The following MROH9 variants were observed in gnomAD, a reference collection of about 807,000 sequenced individuals.
MROH9 encodes maestro heat like repeat family member 9.
In MROH9, 92 loss-of-function variants were observed where a neutral mutation model predicts 98.2. That is an observed-to-expected ratio of 0.94 (90% CI 0.79 to 1.11). MROH9 has a LOEUF of 1.11. MROH9 is among the 50% of genes most tolerant of loss of function. The pLI is 0.00. For missense variants in MROH9, 1,057 were observed against 1,014.8 expected (o/e 1.04, Z -0.57); for synonymous variants, 397 against 368.9 (o/e 1.08, Z -0.87).
At chr1:171,051,852 G>C (rs1653675349) in intron 20 of MROH9, among the ~76,000 whole-genome samples, 1 of 152,180 alleles carries the variant, frequency 6.6e-6, no homozygotes. Context: ...TGATATTGCA[G>C]TGATGGCTTC....
At chr1:171,002,439 G>A (rs1422128248) in intron 15 of MROH9, among the ~76,000 whole-genome samples, 1 of 152,158 alleles carries the variant, frequency 6.6e-6, no homozygotes, top group Non-Finnish European at 1.5e-5. Flanking sequence ...AGTTCTTGTA[G>A]TGGTAGCTTG....
At position 171,006,330 on chromosome 1, in the gene MROH9, T is replaced by C. The variant is rs140471086; in HGVS notation, c.1597-7787T>C. On this transcript the variant is annotated intron_variant, in intron 15 of 21. Coordinates refer to ENST00000367759, the MANE Select transcript of MROH9 (RefSeq NM_001163629.2). ...TCTTTGTATGTGAGAAGTCTCTTTG[T>C]CTTTTCTGCTTTCAAGCTTATCTCT... Among the ~76,000 whole-genome samples the C allele has an allele frequency of 3.9e-3, 597 of 152,324 alleles. 2 individuals are homozygous for C. Among genetic ancestry groups the C allele is most frequent in the Non-Finnish European group, 6.8e-3 (461 of 68,024 alleles).
At position 171,064,338 on chromosome 1, in the gene MROH9, T is replaced by G. The variant is rs775509486; in HGVS notation, c.2584T>G (p.Ter862GluextTer36). The G allele has an allele frequency of 1.4e-5, 21 of 1,526,142 alleles. No individual in the cohort carries two copies. The highest frequency in any genetic ancestry group is 1.7e-5 in the Non-Finnish European group (19 of 1,139,932). The allele number at this position is 1,526,142 out of a possible 1,614,324, so 94.5% of individuals were successfully genotyped here. The change falls in exon 22 of 22, where the codon TAG becomes GAG. Residue 862 changes from the stop codon to glutamate, a stop_lost. Transcript: ENST00000367759. ...SKDVKNDKAL[*>E] ...AGATGTCAAGAATGATAAGGCCTTA[T>G]AGAAGAGAATGATGATGACATTCAT...
chr1:170,959,379 T>C, intron 4 of MROH9, 83 bp from the exon 5 acceptor site: 10 of 1,094,178 alleles, frequency 9.1e-6, no homozygotes, highest in Non-Finnish European at 1.2e-5. Context: ...TGTCTCAAAA[T>C]AAATAAATAA....
chr1:171,015,052 C>A, intron 16 of MROH9: 1 of 471,822 alleles, frequency 2.1e-6, no homozygotes, highest in Non-Finnish European at 4.4e-6. Flanking sequence ...TAATTCTACA[C>A]TCCAAAGTAT....
chr1:170,976,722 G>T (rs1380616277), intron 8 of MROH9, among the ~76,000 whole-genome samples: 1 of 152,066 alleles, frequency 6.6e-6, no homozygotes, highest in Non-Finnish European at 1.5e-5. Flanking sequence ...TATGTGTCTT[G>T]GGGATGTAGA....
chr1:171,035,169 A>C (rs1329638366), intron 20 of MROH9, among the ~76,000 whole-genome samples: 1 of 152,144 alleles, frequency 6.6e-6, no homozygotes, highest in Non-Finnish European at 1.5e-5. Flanking sequence ...CAACAAGCTG[A>C]GAGAAATATT....
intron 20 of MROH9, among the ~76,000 whole-genome samples, chr1:171,035,404 C>G (rs996229978): frequency 6.6e-6 from 1 of 151,646 alleles, no homozygotes; most frequent in Non-Finnish European, 1.5e-5. Flanking sequence ...CAACCCATTT[C>G]ACACCAATAA....
chr1:171,044,874 T>C (rs981916262), intron 20 of MROH9, among the ~76,000 whole-genome samples: 1 of 151,688 alleles, frequency 6.6e-6, no homozygotes, highest in Non-Finnish European at 1.5e-5. Context: ...GCTAAAGGTA[T>C]GTCACTTTTG....
chr1:171,026,181 G>C (rs1430118786), intron 20 of MROH9, among the ~76,000 whole-genome samples: 2 of 151,730 alleles, frequency 1.3e-5, no homozygotes, highest in Non-Finnish European at 2.9e-5. Flanking sequence ...AGAGAGGAGG[G>C]GCAGAACACA....
At chr1:171,003,097 G>A (rs1291452776) in intron 15 of MROH9, among the ~76,000 whole-genome samples, 1 of 151,814 alleles carries the variant, frequency 6.6e-6, no homozygotes, top group Non-Finnish European at 1.5e-5. Context: ...ACTTTTTATT[G>A]TTTTTTCTTT....
At chr1:170,963,654 A>G (rs1650114364) in intron 6 of MROH9, among the ~76,000 whole-genome samples, 1 of 152,184 alleles carries the variant, frequency 6.6e-6, no homozygotes. Context: ...ATGCAGCCAT[A>G]CAAAAGAATA....
chr1:171,024,800 T>A, intron 19 of MROH9, 35 bp downstream of exon 19: 1 of 1,277,962 alleles, frequency 7.8e-7, no homozygotes, highest in Non-Finnish European at 1.1e-6. Flanking sequence ...ACTATAAGAG[T>A]TGTAGACAAA....
chr1:170,954,670 T>G (rs895629172), intron 3 of MROH9, among the ~76,000 whole-genome samples: 8 of 152,022 alleles, frequency 5.3e-5, no homozygotes, highest in Admixed American at 2.0e-4. Context: ...TCTCACCAAC[T>G]CTTATTATCT....
intron 15 of MROH9, among the ~76,000 whole-genome samples, chr1:171,008,855 G>C (rs1652051263): frequency 6.6e-6 from 1 of 152,130 alleles, no homozygotes. Flanking sequence ...ACAAGCTGCA[G>C]AGCAGCACAG....
At chr1:170,942,474 T>C (rs529954405) in intron 1 of MROH9, among the ~76,000 whole-genome samples, 107 of 152,296 alleles carry the variant, frequency 7.0e-4, no homozygotes, top group Non-Finnish European at 1.2e-3. Flanking sequence ...AATTTCTTTA[T>C]GTATGTCTTC....
In MROH9 at chr1:171,062,178, C is replaced by A. The variant is rs778665747; in HGVS notation, c.2328C>A (p.Ile776=). The part of the protein sequence containing the change: ...SGGHLLLRDE[I]EVMLDVIERL... ...GTCATTTACTGCTTAGAGATGAAAT[C>A]GAAGTCATGCTTGATGGTGAGTATT... Residue 776 remains isoleucine, a synonymous_variant, in exon 21 of 22, where the codon ATC becomes ATA. Coordinates refer to ENST00000367759, the MANE Select transcript of MROH9 (RefSeq NM_001163629.2). The A allele has an allele frequency of 6.5e-7, 1 of 1,548,802 alleles. No homozygotes were observed.
chr1:170,954,885 T>G (rs948556696), intron 3 of MROH9, among the ~76,000 whole-genome samples: 1 of 152,036 alleles, frequency 6.6e-6, no homozygotes, highest in Non-Finnish European at 1.5e-5. Context: ...TCTTTAGTGG[T>G]AATTTGTGAG....
At chr1:171,021,043 C>G (rs986220807) in intron 17 of MROH9, among the ~76,000 whole-genome samples, 4 of 152,084 alleles carry the variant, frequency 2.6e-5, no homozygotes, top group Non-Finnish European at 5.9e-5. Context: ...CCTAGGAATA[C>G]AGCTAACAAG....
Sources: allele counts gnomAD v4.1 joint callset (sites outside exome capture counted in the v4.1 genomes callset), GRCh38; gene constraint gnomAD v4.1.1; transcripts MANE v1.5; gene names NCBI Gene and HGNC (gene_info 2026-07-23, HGNC 2026-07-21).